The following RNF149 variants were observed in gnomAD, a reference collection of about 807,000 sequenced individuals.
RNF149 encodes ring finger protein 149, also known as E3 ubiquitin-protein ligase RNF149.
RNF149 carries 21 observed loss-of-function variants against 39.0 expected under a neutral mutation model. The observed-to-expected ratio is 0.54, with a 90% CI of 0.38 to 0.77. The LOEUF (loss-of-function observed/expected upper bound fraction) is 0.77, where lower values mean the gene tolerates loss of function less well. Ranked by LOEUF, RNF149 falls within the 30% of genes least tolerant of loss-of-function variation. The probability of loss-of-function intolerance (pLI) is 0.00; values close to 1 mark genes in which losing one functional copy is unlikely to be tolerated. For missense variants in RNF149, 493 were observed against 534.9 expected, an observed-to-expected ratio of 0.92 and a Z score of 0.77; for synonymous variants, 209 against 213.6, an observed-to-expected ratio of 0.98 and a Z score of 0.19.
chr2:101,278,822 A>G lies in RNF149; in HGVS notation c.1160-1541T>C, dbSNP rs561502764. Among the ~76,000 whole-genome samples, 4 of 152,152 alleles carry G rather than the reference A, an allele frequency of 2.6e-5. 1 individual carries two copies. The highest frequency in any genetic ancestry group is 9.6e-5 in the African/African-American group (4 of 41,530). On this transcript the variant is annotated intron_variant, in intron 6 of 6. Transcript: ENST00000295317. ...GATCAATCTCTCCAATTCCCCCCAC[A>G]CCCAACCAAATATTTTGCACTCCCC...
Position 101,277,246 on chromosome 2 carries a change from T to C in RNF149, c.1195A>G (p.Ile399Val), listed in dbSNP as rs751347331. 6.2e-7 allele frequency: 1 copy of C among 1,613,662 alleles called. No individual in the cohort carries two copies. Residue 399 changes from isoleucine (I) to valine (V), a missense_variant, in exon 7 of 7, where the codon ATC (isoleucine) becomes GTC (valine). Physicochemically the swap from Ile to Val is conservative, Grantham distance 29 (BLOSUM62 3). Transcript: ENST00000295317. Reference sequence around the variant, plus strand: ...TTCAGTGGGCACGTGTGCTAGGAGATGGGTCCTCCATGCCGAGAGTCACTC... The same window carrying C: ...TTCAGTGGGCACGTGTGCTAGGAGACGGGTCCTCCATGCCGAGAGTCACTC... ...GRSDSRHGGP[I>V]S
downstream of RNF149, among the ~76,000 whole-genome samples, chr2:101,273,971 CTA>C (rs1387591617): frequency 6.6e-6 from 1 of 151,992 alleles, no homozygotes; most frequent in Admixed American, 6.6e-5. Context: ...TTAAGGAACA[CTA>C]TGTTTGACAG....
intron 6 of RNF149, among the ~76,000 whole-genome samples, chr2:101,279,310 T>C (rs1682483966): frequency 6.6e-6 from 1 of 152,198 alleles, no homozygotes; most frequent in Admixed American, 6.5e-5. Flanking sequence ...TTTCTACCCA[T>C]GATTTCAAAT....
At chr2:101,294,689 G>A in intron 2 of RNF149, 2 of 451,266 alleles carry the variant, frequency 4.4e-6, no homozygotes, top group Non-Finnish European at 7.9e-6. Context: ...AAGGGACTAA[G>A]AGGGTTCCTG....
At position 101,276,954 on chromosome 2, in the gene RNF149, G is replaced by T. The variant is rs1029881358; in HGVS notation, c.*284C>A. 2.6e-6 allele frequency: 3 copies of T among 1,134,890 alleles called. No individual in the cohort carries two copies. In the African/African-American group the frequency reaches 4.9e-5, roughly 19 times the overall value. 70.3% of individuals were successfully genotyped at this position (1,134,890 alleles called of 1,614,324 possible). A position where few individuals can be genotyped will look rare whatever the true frequency, so the allele number is the denominator to read the frequency against. On this transcript the variant is annotated 3_prime_UTR_variant, in exon 7 of 7. Coordinates refer to ENST00000295317, the MANE Select transcript of RNF149 (RefSeq NM_173647.4). Reference sequence around the variant, plus strand: ...AGCCAATTATTTAGAAACACCACCTGTCCTTTATATTAGAGTACCTGCCCC... The same window carrying T: ...AGCCAATTATTTAGAAACACCACCTTTCCTTTATATTAGAGTACCTGCCCC...
intron 6 of RNF149, among the ~76,000 whole-genome samples, chr2:101,279,307 C>T (rs982242358): frequency 4.6e-5 from 7 of 152,094 alleles, no homozygotes; most frequent in Admixed American, 2.6e-4. Context: ...TGATTTCTAC[C>T]CATGATTTCA....
At chr2:101,291,660 C>T (rs975696527) in intron 3 of RNF149, among the ~76,000 whole-genome samples, 2 of 152,140 alleles carry the variant, frequency 1.3e-5, no homozygotes, top group Admixed American at 6.5e-5. Flanking sequence ...AAATTATATG[C>T]TTCAATGAAA....
chr2:101,291,378 T>C (rs936408658), intron 3 of RNF149, among the ~76,000 whole-genome samples: 11 of 151,808 alleles, frequency 7.2e-5, no homozygotes, highest in African/African-American at 2.7e-4. Context: ...CTCGAACTCC[T>C]GACCTCGTGA....
chr2:101,276,313 A>G lies in RNF149; in HGVS notation c.*925T>C. On this transcript the variant is annotated 3_prime_UTR_variant, in exon 7 of 7. Transcript: ENST00000295317. ...TGCTCCTTTGACCCAAAAGAACAGCAAGCAAGTAAAAAAGAAGAAACGGTT... is the reference window on the plus strand; with the variant it reads ...TGCTCCTTTGACCCAAAAGAACAGCGAGCAAGTAAAAAAGAAGAAACGGTT... 2 of 985,686 alleles carry G rather than the reference A, an allele frequency of 2.0e-6. No homozygotes were observed. Among genetic ancestry groups the G allele is most frequent in the Non-Finnish European group, 2.4e-6 (2 of 829,914 alleles). 61.1% of individuals were successfully genotyped at this position (985,686 alleles called of 1,614,324 possible). A position where few individuals can be genotyped will look rare whatever the true frequency, so the allele number is the denominator to read the frequency against.
chr2:101,301,362 C>T (rs1428222561), intron 1 of RNF149, among the ~76,000 whole-genome samples: 1 of 150,828 alleles, frequency 6.6e-6, no homozygotes, highest in African/African-American at 2.4e-5. Flanking sequence ...GGGTCTCACT[C>T]TGTTGCCCAG....
intron 6 of RNF149, among the ~76,000 whole-genome samples, chr2:101,280,406 AAAC>A (rs1682534855): frequency 6.6e-6 from 1 of 152,152 alleles, no homozygotes; most frequent in Non-Finnish European, 1.5e-5. Context: ...CTCACACCTT[AAAC>A]TATATGTGTT....
chr2:101,272,115 C>T (rs1042884390), downstream of RNF149, among the ~76,000 whole-genome samples: 12 of 152,194 alleles, frequency 7.9e-5, no homozygotes, highest in African/African-American at 2.9e-4. Context: ...ACTGATTTCA[C>T]TTTACATCCT....
chr2:101,293,429 A>G lies in RNF149; in HGVS notation c.780+585T>C, dbSNP rs550211207. 1.1e-3 allele frequency among the ~76,000 whole-genome samples: 171 copies of G among 152,354 alleles called. 1 individual carries two copies. Among genetic ancestry groups the G allele is most frequent in the Non-Finnish European group, 1.4e-3 (97 of 68,024 alleles). On this transcript the variant is annotated intron_variant, in intron 3 of 6. Coordinates refer to ENST00000295317, the MANE Select transcript of RNF149 (RefSeq NM_173647.4). ...TTAGCAACAGTTTTCCTTTTAAGGC[A>G]TCTATCCTCCAAGAATCTGAGCTTC... is the stretch of plus-strand genomic sequence containing the variant.
At chr2:101,297,796 C>T (rs187229154) in intron 1 of RNF149, among the ~76,000 whole-genome samples, 15 of 152,276 alleles carry the variant, frequency 9.9e-5, no homozygotes, top group Admixed American at 7.2e-4. Flanking sequence ...TATCTAATTC[C>T]ATAATGTTTT....
At chr2:101,282,094 G>T (rs781664502) in intron 5 of RNF149, 37 bp from the exon 6 acceptor site, 3 of 1,596,068 alleles carry the variant, frequency 1.9e-6, no homozygotes, top group Admixed American at 1.7e-5. Flanking sequence ...CATGATCAAA[G>T]CTTAAAACAT....
intron 6 of RNF149, among the ~76,000 whole-genome samples, chr2:101,280,176 A>AAATAATAATAATAAT (rs535984877): frequency 4.0e-5 from 6 of 148,222 alleles, no homozygotes; most frequent in African/African-American, 1.5e-4. Context: ...ACTCCATCTC[A>AAATAATAATAATAAT]AATAATAATA....
Position 101,276,781 on chromosome 2 carries a change from AC to A in RNF149, c.*456del, listed in dbSNP as rs1187199853. On this transcript the variant is annotated 3_prime_UTR_variant, in exon 7 of 7. Coordinates refer to ENST00000295317, the MANE Select transcript of RNF149 (RefSeq NM_173647.4). Reference sequence around the variant, plus strand: ...CAAGTTTCAAGTTCTTAAAAAAAAAACAACAAAAAAAACCTTTCCTCCAGGG... The same window carrying A: ...CAAGTTTCAAGTTCTTAAAAAAAAAAAACAAAAAAAACCTTTCCTCCAGGG... 7 of 989,710 alleles carry A rather than the reference AC, an allele frequency of 7.1e-6. No homozygotes were observed. The highest frequency in any genetic ancestry group is 9.1e-5 in the South Asian group (2 of 22,060). 61.3% of individuals were successfully genotyped at this position (989,710 alleles called of 1,614,324 possible).
Position 101,286,097 on chromosome 2 carries a change from T to C in RNF149, c.944A>G (p.Lys315Arg), listed in dbSNP as rs776315156. ...GTAACAAACCCAATATCCTAGGGCT[T>C]TGATGACATCAAGTTTACACATTGG... ...TCPMCKLDVI[K>R]ALGYWGEPGD... Residue 315 changes from lysine (K) to arginine (R), a missense_variant, in exon 5 of 7, where the codon AAA becomes AGA. Coordinates refer to ENST00000295317, the MANE Select transcript of RNF149 (RefSeq NM_173647.4). The C allele has an allele frequency of 1.2e-6, 2 of 1,607,436 alleles. No homozygotes were observed. Among genetic ancestry groups the C allele is most frequent in the South Asian group, 2.2e-5 (2 of 90,876 alleles).
At chr2:101,273,198 C>G (rs1339012463), downstream of RNF149, 1 of 1,140,100 alleles carries the variant, frequency 8.8e-7, no homozygotes, top group African/African-American at 1.6e-5. Context: ...GAACGCCAGT[C>G]CAGACACCGA....
Sources: allele counts gnomAD v4.1 joint callset (sites outside exome capture counted in the v4.1 genomes callset), GRCh38; gene constraint gnomAD v4.1.1; transcripts MANE v1.5; gene names NCBI Gene and HGNC (gene_info 2026-07-23, HGNC 2026-07-21).